ANK2: variants seen among roughly 807,000 people sequenced by gnomAD.
ANK2 encodes the protein ankyrin 2.
Under a neutral mutation model 360.5 loss-of-function variants are expected in ANK2, and 83 were observed. The ratio of observed to expected loss-of-function variants is 0.23; its 90% CI spans 0.19 to 0.28. The LOEUF is 0.28. Among genes scored for constraint, ANK2 ranks in the 10% least tolerant of loss-of-function variants. The pLI, the probability that ANK2 is intolerant of heterozygous loss-of-function variation, is 1.00. For missense variants in ANK2, 4,201 were observed against 4,795.7 expected, an observed-to-expected ratio of 0.88 and a Z score of 3.66; for synonymous variants, 1,740 against 1,759.5, an observed-to-expected ratio of 0.99 and a Z score of 0.28.
chr4:113,273,714 A>G (rs976953829), intron 14 of ANK2, among the ~76,000 whole-genome samples: 3 of 152,220 alleles, frequency 2.0e-5, no homozygotes, highest in African/African-American at 7.2e-5. Flanking sequence ...CATTATTTCC[A>G]ACTACACTTC....
intron 1 of ANK2, among the ~76,000 whole-genome samples, chr4:112,883,859 CAT>C (rs956864359): frequency 1.1e-4 from 16 of 147,626 alleles, no homozygotes; most frequent in African/African-American, 3.5e-4. Flanking sequence ...ATCATTCATT[CAT>C]ATATATATGT....
chr4:112,904,936 G>T (rs2084698070), intron 2 of ANK2, among the ~76,000 whole-genome samples: 1 of 152,078 alleles, frequency 6.6e-6, no homozygotes, highest in Non-Finnish European at 1.5e-5. Flanking sequence ...TTGCTATAAG[G>T]TTGTCAATAA....
chr4:113,064,603 A>G (rs1445872176), intron 1 of ANK2, among the ~76,000 whole-genome samples: 1 of 152,220 alleles, frequency 6.6e-6, no homozygotes, highest in Non-Finnish European at 1.5e-5. Context: ...AAAAAGTACC[A>G]ACCACCCTTA....
At chr4:113,105,702 A>C (rs926679309) in intron 1 of ANK2, among the ~76,000 whole-genome samples, 1 of 152,202 alleles carries the variant, frequency 6.6e-6, no homozygotes, top group African/African-American at 2.4e-5. Flanking sequence ...CTGTGTTTGT[A>C]CATCCAACTT....
the ANK2 span, among the ~76,000 whole-genome samples, chr4:112,723,326 T>C: frequency 6.6e-6 from 1 of 152,130 alleles, no homozygotes; most frequent in Non-Finnish European, 1.5e-5. Flanking sequence ...GGATTATGGG[T>C]GCAAGCCACC....
intron 2 of ANK2, among the ~76,000 whole-genome samples, chr4:113,002,421 A>G (rs932697681): frequency 1.3e-5 from 2 of 152,222 alleles, no homozygotes; most frequent in Non-Finnish European, 2.9e-5. Context: ...AGGGACATGG[A>G]TGAAATTGGA....
rs560959589 is a variant in ANK2, at chr4:112,901,777, A to T, written c.-39-2678A>T. Among the ~76,000 whole-genome samples the T allele has an allele frequency of 3.4e-3, 513 of 152,078 alleles. 6 individuals carry two copies. The highest frequency in any genetic ancestry group is 4.3e-3 in the Non-Finnish European group (292 of 67,972). ...TCAGGAAGGAGGCTGAGGCAGGAGA[A>T]TCGCTTAAACCCAGGAGGCAGAGGT... is the stretch of plus-strand genomic sequence containing the variant. On this transcript the variant is annotated intron_variant, in intron 1 of 30. Coordinates refer to the ANK2 transcript ENST00000503271.
At chr4:113,317,574 CT>C in intron 24 of ANK2, 132 bp from the exon 25 acceptor site, 1 of 722,564 alleles carries the variant, frequency 1.4e-6, no homozygotes, top group Non-Finnish European at 2.5e-6. Context: ...ACAACAGAGA[CT>C]TGTGTCCCCC....
At position 113,049,790 on chromosome 4, in the gene ANK2, A is replaced by G. The variant is rs147439862; in HGVS notation, c.62A>G (p.Gln21Arg). 1.2e-6 allele frequency: 2 copies of G among 1,613,866 alleles called. No individual in the cohort carries two copies. Residue 21 changes from glutamine to arginine, a missense_variant, in exon 1 of 46, where the codon CAG (glutamine) becomes CGG (arginine). By Grantham distance (43) the Gln-to-Arg change is conservative (BLOSUM62 1). Transcript: ENST00000357077. ...DSGEKFNGSS[Q>R]RRKRPKKSDS... is the part of the protein sequence containing the mutation. ...GGAGAGAAGTTCAACGGCAGTAGTC[A>G]GAGGAGAAAAAGACCCAAGAAGGTA...
At chr4:112,805,863 C>T in the ANK2 span, among the ~76,000 whole-genome samples, 19 of 152,296 alleles carry the variant, frequency 1.2e-4, no homozygotes, top group Middle Eastern at 3.4e-3. Context: ...GCATGAGCCA[C>T]TGCGCCCGGC....
chr4:112,910,938 A>G (rs2086959166), intron 2 of ANK2, among the ~76,000 whole-genome samples: 1 of 147,198 alleles, frequency 6.8e-6, no homozygotes, highest in African/African-American at 2.5e-5. Flanking sequence ...TAATTTGAAG[A>G]CTTTTGTTTA....
chr4:112,953,406 A>C (rs1024826548), intron 2 of ANK2, among the ~76,000 whole-genome samples: 3 of 152,266 alleles, frequency 2.0e-5, no homozygotes, highest in African/African-American at 7.2e-5. Context: ...TGCAAGATGC[A>C]CAGGCCAGAG....
chr4:112,736,030 A>G, the ANK2 span, among the ~76,000 whole-genome samples: 2 of 152,262 alleles, frequency 1.3e-5, no homozygotes, highest in Non-Finnish European at 2.9e-5. Flanking sequence ...CCAGAATCCT[A>G]TTCTTTCTTT....
At chr4:113,306,849 A>C (rs2077452477) in intron 23 of ANK2, among the ~76,000 whole-genome samples, 2 of 152,226 alleles carry the variant, frequency 1.3e-5, no homozygotes, top group African/African-American at 2.4e-5. Context: ...GATATAAATA[A>C]CATCCTTATG....
intron 13 of ANK2, 110 bp downstream of exon 13, chr4:113,258,521 G>A: frequency 9.8e-7 from 1 of 1,024,078 alleles, no homozygotes; most frequent in African/African-American, 1.6e-5. Context: ...AAGCAACCAA[G>A]CTTTGAGAAG....
intron 15 of ANK2, among the ~76,000 whole-genome samples, chr4:113,276,276 A>G (rs1397492083): frequency 6.6e-6 from 1 of 152,160 alleles, no homozygotes; most frequent in Non-Finnish European, 1.5e-5. Flanking sequence ...ACTAGGGCTG[A>G]ACAGTGGTTG....
the ANK2 span, among the ~76,000 whole-genome samples, chr4:112,737,734 A>G: frequency 6.6e-6 from 1 of 152,216 alleles, no homozygotes; most frequent in Non-Finnish European, 1.5e-5. Flanking sequence ...TGGCCTCACC[A>G]TATAGATGAC....
intron 1 of ANK2, among the ~76,000 whole-genome samples, chr4:112,851,060 C>T (rs868592516): frequency 1.3e-5 from 2 of 152,058 alleles, no homozygotes; most frequent in South Asian, 2.1e-4. Context: ...TACCTGAGGT[C>T]GGAACCAGTA....
intron 2 of ANK2, among the ~76,000 whole-genome samples, chr4:113,035,306 T>C (rs1387084393): frequency 1.3e-5 from 2 of 151,872 alleles, no homozygotes; most frequent in African/African-American, 4.8e-5. Flanking sequence ...AGAAGTGGCA[T>C]AGTGATCAAA....
Sources: gnomAD v4.1 joint callset for allele counts (sites outside exome capture counted in the v4.1 genomes callset) on GRCh38, gnomAD v4.1.1 for gene constraint, MANE v1.5 for transcripts, NCBI Gene and HGNC (gene_info 2026-07-23, HGNC 2026-07-21) for gene names.